Variants in IQCB1 observed in about 807,000 individuals in gnomAD.
IQCB1 encodes the protein IQ calmodulin-binding motif-containing protein 1.
In IQCB1, 56 loss-of-function variants were observed where a neutral mutation model predicts 84.4. The observed-to-expected ratio is 0.66, with a 90% confidence interval of 0.54 to 0.83. The LOEUF is 0.83. Among genes scored for constraint, IQCB1 ranks in the 40% least tolerant of loss-of-function variants. IQCB1 has a pLI of 0.00. For synonymous variants in IQCB1, 210 were observed against 234.8 expected, an observed-to-expected ratio of 0.89 and a Z score of 0.96; for missense variants, 629 against 682.1, an observed-to-expected ratio of 0.92 and a Z score of 0.87.
At chr3:121,815,732 A>G (rs865980895) in intron 5 of IQCB1, among the ~76,000 whole-genome samples, 13 of 151,124 alleles carry the variant, frequency 8.6e-5, no homozygotes, top group Admixed American at 4.6e-4. Flanking sequence ...GGATAACTAC[A>G]AAACACTGCT....
chr3:121,834,122 C>T (rs891683649), intron 2 of IQCB1: 2 of 152,194 alleles, frequency 1.3e-5, no homozygotes, highest in African/African-American at 2.4e-5. Flanking sequence ...GAAACAGCTT[C>T]GGCACACCTT....
chr3:121,802,449 T>C (rs1050954271), intron 7 of IQCB1, among the ~76,000 whole-genome samples: 2 of 152,132 alleles, frequency 1.3e-5, no homozygotes, highest in Non-Finnish European at 2.9e-5. Flanking sequence ...TCCCTTGTGA[T>C]ATTTTTAGTA....
chr3:121,823,114 G>C (rs1950333127), intron 5 of IQCB1, among the ~76,000 whole-genome samples: 1 of 152,096 alleles, frequency 6.6e-6, no homozygotes, highest in Admixed American at 6.5e-5. Context: ...TCACTAGGTA[G>C]GATTATTAGC....
chr3:121,801,799 T>C (rs1358328713), intron 7 of IQCB1, among the ~76,000 whole-genome samples: 1 of 145,086 alleles, frequency 6.9e-6, no homozygotes, highest in Non-Finnish European at 1.5e-5. Flanking sequence ...ATTACTACTT[T>C]GCTGCAAGGC....
intron 10 of IQCB1, among the ~76,000 whole-genome samples, chr3:121,792,039 T>C (rs1467662030): frequency 6.6e-6 from 1 of 152,058 alleles, no homozygotes; most frequent in Non-Finnish European, 1.5e-5. Context: ...TGAGCCAAGA[T>C]CGTGCCACTG....
Position 121,795,586 on chromosome 3 carries a change from T to G in IQCB1, c.877-20A>C. ...TAGTTTCTGAAATGCCGAAAATAATTTAGAGATATCTCTAGGAAGGTCTTT... is the reference window on the plus strand; with the variant it reads ...TAGTTTCTGAAATGCCGAAAATAATGTAGAGATATCTCTAGGAAGGTCTTT... On this transcript the variant is annotated intron_variant, in intron 9 of 14. Transcript: ENST00000310864. The G allele has an allele frequency of 7.0e-7, 1 of 1,433,752 alleles. No individual in the cohort carries two copies. The highest frequency in any genetic ancestry group is 9.8e-7 in the Non-Finnish European group (1 of 1,018,748). The allele number at this position is 1,433,752 out of a possible 1,614,324, so 88.8% of individuals were successfully genotyped here.
At chr3:121,820,162 A>T (rs1056517008) in intron 5 of IQCB1, among the ~76,000 whole-genome samples, 1 of 152,206 alleles carries the variant, frequency 6.6e-6, no homozygotes. Flanking sequence ...TGCTCAACTG[A>T]TACACAGGGT....
chr3:121,809,063 T>TC lies in IQCB1; in HGVS notation c.394-55_394-54insG. 5 of 1,140,326 alleles carry TC rather than the reference T, an allele frequency of 4.4e-6. No homozygotes were observed. The South Asian group carries it at 7.0e-5, about 16-fold the overall frequency. The allele number at this position is 1,140,326 out of a possible 1,614,324, so 70.6% of individuals were successfully genotyped here. A position where few individuals can be genotyped will look rare whatever the true frequency, so the allele number is the denominator to read the frequency against. ...TTTTCTATAGTTTTTTTCCTTTTTTTTTTTTTTAAGGAGACTTCTCTCTGG... is the reference window on the plus strand; with the variant it reads ...TTTTCTATAGTTTTTTTCCTTTTTTTCTTTTTTTAAGGAGACTTCTCTCTGG... On this transcript the variant is annotated intron_variant, in intron 5 of 14. Transcript: ENST00000310864.
At chr3:121,775,165 C>T (rs980441415) in intron 13 of IQCB1, among the ~76,000 whole-genome samples, 1 of 152,166 alleles carries the variant, frequency 6.6e-6, no homozygotes, top group South Asian at 2.1e-4. Context: ...CAGGAAAAAT[C>T]TTTCAGTTGT....
chr3:121,781,784 C>G lies in IQCB1; in HGVS notation c.1369G>C (p.Glu457Gln), dbSNP rs772369157. Residue 457 changes from glutamate to glutamine, a missense_variant, in exon 13 of 15, where the codon GAA becomes CAA. Coordinates refer to ENST00000310864, the MANE Select transcript of IQCB1 (RefSeq NM_001023570.4). ...LQELTDARRV[E>Q]LKKRVDDYVR... ...TAGTCATCCACTCGTTTCTTCAGTT[C>G]AACTCGGCGTGCATCAGTGAGTTCT... 1.9e-6 allele frequency: 3 copies of G among 1,613,792 alleles called. No homozygotes were observed. The Admixed American group carries it at 5.0e-5, about 27-fold the overall frequency.
intron 5 of IQCB1, among the ~76,000 whole-genome samples, chr3:121,816,796 C>T (rs915582370): frequency 5.3e-5 from 8 of 152,128 alleles, no homozygotes; most frequent in African/African-American, 7.2e-5. Context: ...GAAATAGGAA[C>T]GCTTTTACAC....
chr3:121,832,192 C>A (rs560849691), intron 2 of IQCB1, among the ~76,000 whole-genome samples: 1 of 152,166 alleles, frequency 6.6e-6, no homozygotes, highest in South Asian at 2.1e-4. Context: ...ATATTTCTAT[C>A]GGTTTGTCTT....
At chr3:121,804,193 C>T (rs1949520498) in intron 7 of IQCB1, among the ~76,000 whole-genome samples, 1 of 152,100 alleles carries the variant, frequency 6.6e-6, no homozygotes, top group South Asian at 2.1e-4. Context: ...AAGAGTCTTA[C>T]ATCAGTATAC....
At chr3:121,831,928 A>C (rs564871367) in intron 2 of IQCB1, among the ~76,000 whole-genome samples, 7 of 152,346 alleles carry the variant, frequency 4.6e-5, no homozygotes, top group African/African-American at 1.7e-4. Context: ...GCATTATGCT[A>C]CATTTCCTTT....
At position 121,790,345 on chromosome 3, in the gene IQCB1, T is replaced by C. The variant is rs1948916949; in HGVS notation, c.987-130A>G. 8 of 727,276 alleles carry C rather than the reference T, an allele frequency of 1.1e-5. No homozygotes were observed. In the South Asian group the frequency reaches 1.6e-4, roughly 14 times the overall value. 45.1% of individuals were successfully genotyped at this position (727,276 alleles called of 1,614,324 possible). On this transcript the variant is annotated intron_variant, in intron 10 of 14. Coordinates refer to ENST00000310864, the MANE Select transcript of IQCB1 (RefSeq NM_001023570.4). The stretch of plus-strand genomic sequence containing the variant: ...AATTTCTAGTGTTAATAAGGTATGA[T>C]AAAATAGCTTGTCATCTGCTGCTGT...
At chr3:121,804,652 C>T (rs1462485968) in intron 7 of IQCB1, among the ~76,000 whole-genome samples, 1 of 151,982 alleles carries the variant, frequency 6.6e-6, no homozygotes, top group Admixed American at 6.6e-5. Context: ...TTCTCTTTAT[C>T]ACTGGTTTGA....
In IQCB1 at chr3:121,770,060, C is replaced by T; in HGVS notation, c.*285G>A. ...TATTTAGTTGGAAAACAGAAGAAAC[C>T]AAAGAAAAACACACTTCATGTAAAC... On this transcript the variant is annotated 3_prime_UTR_variant, in exon 15 of 15. Coordinates refer to ENST00000310864, the MANE Select transcript of IQCB1 (RefSeq NM_001023570.4). 4.1e-6 allele frequency: 1 copy of T among 241,346 alleles called. No homozygotes were observed. The allele number at this position is 241,346 out of a possible 1,614,324, so 15.0% of individuals were successfully genotyped here.
Position 121,790,230 on chromosome 3 carries a change from G to A in IQCB1, c.987-15C>T. On this transcript the variant is annotated splice_polypyrimidine_tract_variant and intron_variant, in intron 10 of 14. Coordinates refer to ENST00000310864, the MANE Select transcript of IQCB1 (RefSeq NM_001023570.4). ...ATCGTTTGGATCTGTGATGGAAACA[G>A]TGTGTTATACATAATTTTCATAAAT... The A allele has an allele frequency of 1.2e-6, 2 of 1,611,542 alleles. No homozygotes were observed. Among genetic ancestry groups the A allele is most frequent in the South Asian group, 1.1e-5 (1 of 91,000 alleles).
intron 12 of IQCB1, among the ~76,000 whole-genome samples, chr3:121,786,872 T>A (rs1364748589): frequency 6.6e-6 from 1 of 152,156 alleles, no homozygotes; most frequent in East Asian, 1.9e-4. Flanking sequence ...AGGTAGTAAG[T>A]CAACCTAATA....
Sources: allele counts gnomAD v4.1 joint callset (sites outside exome capture counted in the v4.1 genomes callset), GRCh38; gene constraint gnomAD v4.1.1; transcripts MANE v1.5; gene names NCBI Gene and HGNC (gene_info 2026-07-23, HGNC 2026-07-21).